Variants in DOK6 observed in about 807,000 individuals in gnomAD.
The protein encoded by DOK6 is downstream of tyrosine kinase 6.
DOK6 carries 22 observed loss-of-function variants against 44.0 expected under a neutral mutation model. The ratio of observed to expected loss-of-function variants is 0.50; its 90% CI spans 0.36 to 0.71. The LOEUF is 0.71. Among genes scored for constraint, DOK6 ranks in the 30% least tolerant of loss-of-function variants. The pLI is 0.00. For missense variants in DOK6, 340 were observed against 416.4 expected, an observed-to-expected ratio of 0.82 and a Z score of 1.60; for synonymous variants, 166 against 145.5, an observed-to-expected ratio of 1.14 and a Z score of -1.01.
chr18:69,521,157 C>T (rs1981673577), intron 1 of DOK6, among the ~76,000 whole-genome samples: 2 of 151,798 alleles, frequency 1.3e-5, no homozygotes. Context: ...CATCTATAAA[C>T]ATTATAGAAT....
intron 1 of DOK6, among the ~76,000 whole-genome samples, chr18:69,403,236 C>T (rs979368493): frequency 3.2e-4 from 49 of 152,132 alleles, no homozygotes; most frequent in African/African-American, 1.1e-3. Context: ...GCACTTGGCC[C>T]TGGAGTCTAT....
chr18:69,598,995 T>G (rs1253355866), intron 2 of DOK6, among the ~76,000 whole-genome samples: 1 of 152,136 alleles, frequency 6.6e-6, no homozygotes, highest in Non-Finnish European at 1.5e-5. Context: ...ACAGGAAATT[T>G]GCATGACAGG....
At chr18:69,591,898 T>A (rs1400479466) in intron 2 of DOK6, among the ~76,000 whole-genome samples, 2 of 152,036 alleles carry the variant, frequency 1.3e-5, no homozygotes. Flanking sequence ...AAGGCCTTAT[T>A]TTCTTCATAT....
At chr18:69,804,300 T>C (rs955119552) in intron 7 of DOK6, among the ~76,000 whole-genome samples, 1 of 152,220 alleles carries the variant, frequency 6.6e-6, no homozygotes, top group Non-Finnish European at 1.5e-5. Context: ...AGACTTATGA[T>C]GTCTAAGAAG....
At chr18:69,634,473 A>G (rs576696162) in intron 3 of DOK6, among the ~76,000 whole-genome samples, 3 of 152,326 alleles carry the variant, frequency 2.0e-5, no homozygotes, top group African/African-American at 7.2e-5. Flanking sequence ...TTGTGACTTC[A>G]GCATGTCATT....
intron 7 of DOK6, among the ~76,000 whole-genome samples, chr18:69,792,670 T>G (rs1000147983): frequency 6.6e-6 from 1 of 152,140 alleles, no homozygotes; most frequent in African/African-American, 2.4e-5. Context: ...TTGGCTGCTC[T>G]TTATTTCTTT....
chr18:69,800,845 T>A (rs11151541), intron 7 of DOK6, among the ~76,000 whole-genome samples: 29,198 of 152,102 alleles, frequency 0.19, 2,984 homozygotes, highest in East Asian at 0.28. Context: ...TCAGATAATG[T>A]GATACATGAC....
At chr18:69,697,673 A>G (rs1422898395) in intron 4 of DOK6, among the ~76,000 whole-genome samples, 1 of 151,926 alleles carries the variant, frequency 6.6e-6, no homozygotes, top group Non-Finnish European at 1.5e-5. Flanking sequence ...CAAAGGCAGC[A>G]TAACTTTGCA....
chr18:69,493,197 T>A (rs911075360), intron 1 of DOK6, among the ~76,000 whole-genome samples: 1 of 152,176 alleles, frequency 6.6e-6, no homozygotes, highest in Non-Finnish European at 1.5e-5. Flanking sequence ...TTTAAAAGAT[T>A]ATAAAATATT....
At chr18:69,558,907 T>C (rs1982757258) in intron 1 of DOK6, among the ~76,000 whole-genome samples, 1 of 152,104 alleles carries the variant, frequency 6.6e-6, no homozygotes, top group South Asian at 2.1e-4. Flanking sequence ...TAGGATGCTA[T>C]CAGAGGAAGC....
chr18:69,789,072 A>C (rs1480076298), intron 7 of DOK6, among the ~76,000 whole-genome samples: 1 of 152,186 alleles, frequency 6.6e-6, no homozygotes, highest in Non-Finnish European at 1.5e-5. Flanking sequence ...TTTTTAAGAA[A>C]TCCTTTCCAA....
intron 1 of DOK6, among the ~76,000 whole-genome samples, chr18:69,540,838 T>A (rs766529519): frequency 3.9e-5 from 6 of 152,186 alleles, no homozygotes; most frequent in Admixed American, 1.3e-4. Flanking sequence ...TAGCTCTTAC[T>A]TTGTAATATT....
intron 6 of DOK6, among the ~76,000 whole-genome samples, chr18:69,754,267 T>G (rs6566442): frequency 0.53 from 79,429 of 150,750 alleles, 24,135 homozygotes; most frequent in East Asian, 0.69. Context: ...GGTGGCAGAA[T>G]TGCTTGAGCT....
In DOK6 at chr18:69,757,857, A is replaced by C; in HGVS notation, c.840A>C (p.Glu280Asp). The change falls in exon 7 of 8, where the codon GAA (glutamate) becomes GAC (aspartate). Residue 280 changes from glutamate (E) to aspartate (D), a missense_variant. Around this residue, in one of 3 missense-constraint regions of DOK6, gnomAD observed 112 missense variants for 109.3 expected, o/e 1.02. Transcript: ENST00000382713. ...HHITRQNSVG[E>D]IYSLQGHGFG... Reference sequence around the variant, plus strand: ...TCACTCGTCAGAACAGCGTTGGTGAAATCTACAGTTTGCAAGGCAAGTCAC... The same window carrying C: ...TCACTCGTCAGAACAGCGTTGGTGACATCTACAGTTTGCAAGGCAAGTCAC... 1.2e-6 allele frequency: 2 copies of C among 1,614,082 alleles called. No individual in the cohort carries two copies. The highest frequency in any genetic ancestry group is 1.7e-6 in the Non-Finnish European group (2 of 1,179,932).
chr18:69,535,810 TAC>T (rs1982107582), intron 1 of DOK6, among the ~76,000 whole-genome samples: 1 of 152,070 alleles, frequency 6.6e-6, no homozygotes, highest in African/African-American at 2.4e-5. Flanking sequence ...AAAAAATATC[TAC>T]AGAGTTCTGA....
intron 1 of DOK6, among the ~76,000 whole-genome samples, chr18:69,532,336 C>A (rs1982008149): frequency 6.6e-6 from 1 of 152,268 alleles, no homozygotes; most frequent in South Asian, 2.1e-4. Context: ...TTTTAGTCTA[C>A]ACAGTAAGAC....
At position 69,719,093 on chromosome 18, in the gene DOK6, A is replaced by G. The variant is rs1443609821; in HGVS notation, c.600-19872A>G. Among the ~76,000 whole-genome samples the G allele has an allele frequency of 2.6e-5, 4 of 152,210 alleles. No homozygotes were observed. In the East Asian group the frequency reaches 7.7e-4, roughly 29 times the overall value. ...GGCACAGAAATGCCAATACACTGAG[A>G]CAGTGGTGTTGCAACAGAGAAAGTT... is the stretch of plus-strand genomic sequence containing the variant. On this transcript the variant is annotated intron_variant, in intron 5 of 7. Transcript: ENST00000382713.
chr18:69,487,736 G>A (rs892950214), intron 1 of DOK6, among the ~76,000 whole-genome samples: 3 of 152,184 alleles, frequency 2.0e-5, no homozygotes, highest in African/African-American at 7.2e-5. Flanking sequence ...CAATTCTAGA[G>A]CGGGAGATCT....
intron 7 of DOK6, among the ~76,000 whole-genome samples, chr18:69,812,065 A>C (rs1208775810): frequency 6.6e-6 from 1 of 152,156 alleles, no homozygotes; most frequent in Non-Finnish European, 1.5e-5. Flanking sequence ...AAATTTAATA[A>C]ATTATATATA....
Sources: allele counts gnomAD v4.1 joint callset (sites outside exome capture counted in the v4.1 genomes callset), GRCh38; gene constraint gnomAD v4.1.1; regional missense constraint gnomAD v4.1.1; transcripts MANE v1.5; gene names NCBI Gene and HGNC (gene_info 2026-07-23, HGNC 2026-07-21).